Variants in NLRC5 observed in about 807,000 individuals in gnomAD.
The protein encoded by NLRC5 is NLR family CARD domain containing 5, also known as protein NLRC5.
A neutral mutation model predicts 206.9 loss-of-function variants in NLRC5; 114 were observed. The observed-to-expected ratio is 0.55, with a 90% CI of 0.47 to 0.64. The LOEUF (loss-of-function observed/expected upper bound fraction) is 0.64, where lower values mean the gene tolerates loss of function less well. NLRC5 is among the 30% of genes least tolerant of loss of function. The pLI, the probability that NLRC5 is intolerant of heterozygous loss-of-function variation, is 0.00. For synonymous variants in NLRC5, 952 were observed against 962.8 expected, an observed-to-expected ratio of 0.99 and a Z score of 0.21; for missense variants, 2,008 against 2,305.5, an observed-to-expected ratio of 0.87 and a Z score of 2.64.
At chr16:57,060,732 G>A (rs78986135) in intron 30 of NLRC5, among the ~76,000 whole-genome samples, 18,727 of 151,854 alleles carry the variant, frequency 0.12, 1,211 homozygotes, top group South Asian at 0.15. Flanking sequence ...TGCTCACACC[G>A]CACTCAGCTC....
intron 37 of NLRC5, 148 bp downstream of exon 37, chr16:57,070,067 T>C: frequency 1.5e-6 from 1 of 679,656 alleles, no homozygotes; most frequent in Non-Finnish European, 2.5e-6. Context: ...GGGTGTGGCC[T>C]GGGGAAGGAA....
intron 36 of NLRC5, among the ~76,000 whole-genome samples, chr16:57,069,490 A>G (rs2067405830): frequency 6.6e-6 from 1 of 152,364 alleles, no homozygotes; most frequent in African/African-American, 2.4e-5. Flanking sequence ...TCTTTAGGAC[A>G]GAGAGATCTT....
In NLRC5 at chr16:57,041,999, TG is replaced by T; in HGVS notation, c.3052del (p.Asp1018MetfsTer20). Reference protein sequence around the residue: ...HLHLDFSGNALGDEGAARLAQ... With the variant: ...HLHLDFSGNAXGDEGAARLAQ... ...ACCCCCAGCTTCTCAGGCAATGCTC[TG>T]GGGGATGAAGGTGCAGCCCGGCTGG... is the stretch of plus-strand genomic sequence containing the variant. On this transcript the variant is annotated frameshift_variant, in exon 19 of 49. Coordinates refer to ENST00000688547, the MANE Select transcript of NLRC5 (RefSeq NM_001384950.1). LOFTEE classifies it high-confidence loss of function. The T allele has an allele frequency of 6.3e-7, 1 of 1,580,550 alleles. No individual in the cohort carries two copies. The highest frequency in any genetic ancestry group is 8.6e-7 in the Non-Finnish European group (1 of 1,167,130).
intron 15 of NLRC5, among the ~76,000 whole-genome samples, chr16:57,038,161 A>G (rs1259169549): frequency 6.6e-6 from 1 of 152,232 alleles, no homozygotes; most frequent in Non-Finnish European, 1.5e-5. Context: ...AGTTAGACTA[A>G]GTTACTTCCA....
chr16:57,051,960 T>C (rs1348700920), intron 24 of NLRC5, among the ~76,000 whole-genome samples: 1 of 152,102 alleles, frequency 6.6e-6, no homozygotes, highest in African/African-American at 2.4e-5. Flanking sequence ...TAAAATCACC[T>C]TAAGAAATGG....
At chr16:57,055,217 G>A in intron 26 of NLRC5, 123 bp downstream of exon 26, 1 of 1,105,100 alleles carries the variant, frequency 9.0e-7, no homozygotes, top group Non-Finnish European at 1.4e-6. Context: ...GAACAACCCT[G>A]CAGAGGGACT....
At chr16:57,032,181 C>T (rs1008704439) in intron 11 of NLRC5, among the ~76,000 whole-genome samples, 3 of 151,888 alleles carry the variant, frequency 2.0e-5, no homozygotes, top group South Asian at 4.2e-4. Context: ...ACGCCAAGCA[C>T]GAGAATCTCT....
intron 38 of NLRC5, among the ~76,000 whole-genome samples, chr16:57,073,556 A>G (rs1455227584): frequency 3.9e-5 from 6 of 152,102 alleles, no homozygotes; most frequent in African/African-American, 1.2e-4. Context: ...TTCTGAGCCA[A>G]CCAAGACAGT....
chr16:57,061,980 A>C, intron 32 of NLRC5: 1 of 1,489,436 alleles, frequency 6.7e-7, no homozygotes, highest in South Asian at 1.2e-5. Flanking sequence ...AACTGAGGAC[A>C]AAAATAAACT....
At chr16:57,053,447 G>T (rs2065194084) in intron 24 of NLRC5, among the ~76,000 whole-genome samples, 1 of 152,210 alleles carries the variant, frequency 6.6e-6, no homozygotes. Flanking sequence ...CTCGGGTTGG[G>T]TTGCATGGGG....
At chr16:56,991,628 C>G (rs190654791) in intron 1 of NLRC5, among the ~76,000 whole-genome samples, 1 of 151,426 alleles carries the variant, frequency 6.6e-6, no homozygotes, top group Admixed American at 6.6e-5. Flanking sequence ...ATGATCCACC[C>G]GCCTCGGCCT....
chr16:57,027,844 A>T (rs925346704), intron 6 of NLRC5, among the ~76,000 whole-genome samples: 2 of 152,208 alleles, frequency 1.3e-5, no homozygotes, highest in East Asian at 3.8e-4. Context: ...CTGAGCTGCA[A>T]GGGAGGCTGG....
At position 57,059,655 on chromosome 16, in the gene NLRC5, C is replaced by G. The variant is rs141412791; in HGVS notation, c.3986+123C>G. ...CCTTTAGAGAGCAGCTTCAAGCTCA[C>G]TGCCTGGGTCTGTTCCTCCAGATCT... On this transcript the variant is annotated intron_variant, in intron 30 of 48. Transcript: ENST00000688547. The G allele has an allele frequency of 4.1e-4, 357 of 880,198 alleles. 5 individuals carry two copies. In the African/African-American group the frequency reaches 5.3e-3, roughly 13 times the overall value. 54.5% of individuals were successfully genotyped at this position (880,198 alleles called of 1,614,324 possible). A position where few individuals can be genotyped will look rare whatever the true frequency, so the allele number is the denominator to read the frequency against.
intron 27 of NLRC5, among the ~76,000 whole-genome samples, chr16:57,056,277 C>G (rs1339744017): frequency 6.6e-6 from 1 of 152,174 alleles, no homozygotes; most frequent in Non-Finnish European, 1.5e-5. Flanking sequence ...AAAAATGTGA[C>G]TGATAAAATC....
chr16:57,049,444 A>G (rs147314834), intron 23 of NLRC5, among the ~76,000 whole-genome samples: 43 of 152,270 alleles, frequency 2.8e-4, no homozygotes, highest in Non-Finnish European at 5.0e-4. Context: ...TTAATATAAA[A>G]AGCCCACTGG....
intron 6 of NLRC5, among the ~76,000 whole-genome samples, chr16:57,027,767 G>T (rs1400866038): frequency 1.3e-5 from 2 of 152,198 alleles, no homozygotes; most frequent in East Asian, 3.8e-4. Flanking sequence ...TTAAAGTTCA[G>T]TCCTGAAACT....
chr16:57,046,216 C>T (rs1216523196), intron 21 of NLRC5, among the ~76,000 whole-genome samples: 1 of 152,200 alleles, frequency 6.6e-6, no homozygotes, highest in South Asian at 2.1e-4. Context: ...TACAGGGAGG[C>T]AGAAGTCATG....
At chr16:57,039,504 T>C (rs1444695738) in intron 15 of NLRC5, among the ~76,000 whole-genome samples, 1 of 151,940 alleles carries the variant, frequency 6.6e-6, no homozygotes, top group African/African-American at 2.4e-5. Context: ...GAGGATCACC[T>C]GAGCCCAGAA....
intron 24 of NLRC5, 83 bp downstream of exon 24, chr16:57,051,704 C>T: frequency 9.3e-7 from 1 of 1,076,746 alleles, no homozygotes; most frequent in Non-Finnish European, 1.4e-6. Flanking sequence ...TACCTGCCCT[C>T]TAACCCCTCA....
Sources: gnomAD v4.1 joint callset for allele counts (sites outside exome capture counted in the v4.1 genomes callset) on GRCh38, gnomAD v4.1.1 for gene constraint, MANE v1.5 for transcripts, NCBI Gene and HGNC (gene_info 2026-07-23, HGNC 2026-07-21) for gene names.